The following SOX5 variants were observed in gnomAD, a reference collection of about 807,000 sequenced individuals.
The protein encoded by SOX5 is SRY-box transcription factor 5.
Under a neutral mutation model 92.0 loss-of-function variants are expected in SOX5, and 9 were observed. The observed-to-expected ratio is 0.10, with a 90% CI of 0.06 to 0.17. The LOEUF (loss-of-function observed/expected upper bound fraction) is 0.17, where lower values mean the gene tolerates loss of function less well. SOX5 is among the 10% of genes least tolerant of loss of function. SOX5 has a pLI of 1.00. For synonymous variants in SOX5, 344 were observed against 336.3 expected (o/e 1.02, Z -0.25); for missense variants, 642 against 944.5 (o/e 0.68, Z 4.20).
At chr12:23,631,874 C>A (rs2078581831) in intron 8 of SOX5, among the ~76,000 whole-genome samples, 1 of 152,004 alleles carries the variant, frequency 6.6e-6, no homozygotes, top group African/African-American at 2.4e-5. Flanking sequence ...TGTACTGACT[C>A]CATTGTCCAA....
At chr12:23,673,362 T>C (rs1299570896) in intron 6 of SOX5, among the ~76,000 whole-genome samples, 1 of 152,116 alleles carries the variant, frequency 6.6e-6, no homozygotes, top group African/African-American at 2.4e-5. Flanking sequence ...GTATTACTTA[T>C]TGTAGTTCTT....
At chr12:24,502,946 T>C (rs1186812850) in intron 1 of SOX5, among the ~76,000 whole-genome samples, 1 of 152,104 alleles carries the variant, frequency 6.6e-6, no homozygotes, top group Non-Finnish European at 1.5e-5. Flanking sequence ...CTAGCACTCA[T>C]CAAAGTTGTC....
chr12:24,155,391 CTTCA>C lies in SOX5; in HGVS notation c.-2+57948_-2+57951del, dbSNP rs562274147. ...GTATTTTTAAAGAGCTTCCAAACTT[CTTCA>C]TTATCAAACTTCTTATTTTTTTGAC... On this transcript the variant is annotated intron_variant, in intron 4 of 4. Transcript: ENST00000446891. Among the ~76,000 whole-genome samples, 482 of 152,188 alleles carry C rather than the reference CTTCA, an allele frequency of 3.2e-3. 1 individual carries two copies. The highest frequency in any genetic ancestry group is 5.9e-3 in the Non-Finnish European group (398 of 67,986).
chr12:23,619,877 T>G (rs2076975771), intron 8 of SOX5, among the ~76,000 whole-genome samples: 1 of 152,174 alleles, frequency 6.6e-6, no homozygotes, highest in Non-Finnish European at 1.5e-5. Flanking sequence ...TCTTTTATCA[T>G]TCATGCTTTT....
chr12:24,203,011 C>A (rs1206145845), intron 4 of SOX5, among the ~76,000 whole-genome samples: 1 of 152,122 alleles, frequency 6.6e-6, no homozygotes, highest in Non-Finnish European at 1.5e-5. Context: ...ATGATTCTTG[C>A]CTGAAACTAT....
At position 24,562,094 on chromosome 12, in the gene SOX5, A is replaced by C. The variant is rs529434308; in HGVS notation, c.-251+235T>G. ...AGCCGCCCCCGGGGATGACAGGGCC[A>C]CTCCGCGCCTCGGGCCGCCTCCCAC... On this transcript the variant is annotated intron_variant, in intron 1 of 4. Coordinates refer to the SOX5 transcript ENST00000446891. Among the ~76,000 whole-genome samples, 332 of 152,008 alleles carry C rather than the reference A, an allele frequency of 2.2e-3. 1 individual carries two copies. The highest frequency in any genetic ancestry group is 7.5e-3 in the African/African-American group (310 of 41,446).
At chr12:23,643,239 T>G (rs1251811847) in intron 7 of SOX5, among the ~76,000 whole-genome samples, 1 of 152,144 alleles carries the variant, frequency 6.6e-6, no homozygotes. Context: ...GACTCAAGGA[T>G]GACTTCCAGG....
intron 7 of SOX5, among the ~76,000 whole-genome samples, chr12:23,641,635 GAGA>G (rs1368518255): frequency 1.3e-5 from 2 of 152,078 alleles, no homozygotes; most frequent in African/African-American, 2.4e-5. Flanking sequence ...GAAGCACATA[GAGA>G]AGGTTATTCT....
chr12:23,616,187 A>T (rs2076533335), intron 8 of SOX5, among the ~76,000 whole-genome samples: 1 of 152,220 alleles, frequency 6.6e-6, no homozygotes, highest in Non-Finnish European at 1.5e-5. Flanking sequence ...GACGCCTGGA[A>T]AAAATGAAGA....
chr12:23,579,114 G>A (rs1168189397), intron 9 of SOX5, among the ~76,000 whole-genome samples: 1 of 152,138 alleles, frequency 6.6e-6, no homozygotes, highest in East Asian at 1.9e-4. Flanking sequence ...CTCATGGGAT[G>A]AAGTGTCATA....
intron 3 of SOX5, among the ~76,000 whole-genome samples, chr12:23,835,188 G>A (rs575835656): frequency 2.6e-5 from 4 of 151,830 alleles, no homozygotes; most frequent in African/African-American, 4.8e-5. Context: ...GGTTGCCTTC[G>A]ATTTGTTTAA....
intron 4 of SOX5, among the ~76,000 whole-genome samples, chr12:23,986,475 T>C (rs1950075012): frequency 6.6e-6 from 1 of 152,220 alleles, no homozygotes. Context: ...GTTAAGGTGA[T>C]AATGTAGCAA....
At chr12:24,174,688 G>T (rs959107060) in intron 4 of SOX5, among the ~76,000 whole-genome samples, 1 of 152,168 alleles carries the variant, frequency 6.6e-6, no homozygotes, top group Admixed American at 6.5e-5. Flanking sequence ...AGGTGTGGTG[G>T]CTGGTGCCTG....
chr12:24,221,472 C>CT (rs2139800297), intron 3 of SOX5, among the ~76,000 whole-genome samples: 1 of 152,296 alleles, frequency 6.6e-6, no homozygotes, highest in East Asian at 1.9e-4. Flanking sequence ...GTAAATTCTT[C>CT]TTTTTACTAG....
chr12:23,827,728 A>C (rs2096254875), intron 3 of SOX5, among the ~76,000 whole-genome samples: 1 of 152,236 alleles, frequency 6.6e-6, no homozygotes. Context: ...AGGTTAATAG[A>C]TGGATCCTTT....
intron 6 of SOX5, among the ~76,000 whole-genome samples, chr12:23,704,699 T>TATATATAC (rs2091134447): frequency 9.1e-6 from 1 of 109,866 alleles, no homozygotes; most frequent in African/African-American, 3.3e-5. Context: ...TATATATATA[T>TATATATAC]ATATATATAT....
At chr12:24,128,035 G>A (rs1949282193) in intron 4 of SOX5, among the ~76,000 whole-genome samples, 1 of 152,164 alleles carries the variant, frequency 6.6e-6, no homozygotes, top group Non-Finnish European at 1.5e-5. Flanking sequence ...GTTTTTAGTG[G>A]TGGTATTCTC....
chr12:24,079,236 T>G (rs181674994), intron 4 of SOX5, among the ~76,000 whole-genome samples: 1 of 151,844 alleles, frequency 6.6e-6, no homozygotes, highest in East Asian at 1.9e-4. Context: ...ATATTTTCAT[T>G]TTAAAGATAA....
intron 3 of SOX5, among the ~76,000 whole-genome samples, chr12:24,244,088 C>G (rs1042766358): frequency 2.0e-5 from 3 of 150,364 alleles, no homozygotes; most frequent in Non-Finnish European, 3.0e-5. Context: ...ACATTTTACA[C>G]CAAATCATAA....
Sources: gnomAD v4.1 joint callset for allele counts (sites outside exome capture counted in the v4.1 genomes callset) on GRCh38, gnomAD v4.1.1 for gene constraint, MANE v1.5 for transcripts, NCBI Gene and HGNC (gene_info 2026-07-23, HGNC 2026-07-21) for gene names.